DCC: variants seen among roughly 807,000 people sequenced by gnomAD.
The protein encoded by DCC is netrin receptor DCC.
A neutral mutation model predicts 172.5 loss-of-function variants in DCC; 58 were observed. That is an observed-to-expected ratio of 0.34 (90% CI 0.27 to 0.42). The LOEUF is 0.42. Ranked by LOEUF, DCC falls within the 10% of genes least tolerant of loss-of-function variation. The pLI is 1.00. For missense variants in DCC, 1,740 were observed against 1,791.0 expected (o/e 0.97, Z 0.51); for synonymous variants, 709 against 644.5 (o/e 1.10, Z -1.52).
intron 12 of DCC, among the ~76,000 whole-genome samples, chr18:53,253,225 G>T (rs1359000432): frequency 6.6e-6 from 1 of 151,882 alleles, no homozygotes; most frequent in Non-Finnish European, 1.5e-5. Context: ...TCTTTGTGTT[G>T]TTGAAGTTTC....
intron 9 of DCC, among the ~76,000 whole-genome samples, chr18:53,187,978 T>C (rs929124225): frequency 2.0e-5 from 3 of 152,176 alleles, no homozygotes; most frequent in Non-Finnish European, 2.9e-5. Flanking sequence ...GACCACAGAT[T>C]TGTATCAATT....
At chr18:53,046,928 T>A (rs1268872114) in intron 5 of DCC, among the ~76,000 whole-genome samples, 1 of 151,718 alleles carries the variant, frequency 6.6e-6, no homozygotes, top group Non-Finnish European at 1.5e-5. Context: ...CTTTCATTTT[T>A]TTAATGCAGT....
At chr18:52,644,883 T>C (rs574756579) in intron 1 of DCC, among the ~76,000 whole-genome samples, 2 of 151,840 alleles carry the variant, frequency 1.3e-5, no homozygotes, top group East Asian at 3.9e-4. Flanking sequence ...ACAATTTGCT[T>C]GAGGAAGTTG....
chr18:53,048,026 C>T (rs2042280471), intron 5 of DCC, among the ~76,000 whole-genome samples: 1 of 151,856 alleles, frequency 6.6e-6, no homozygotes, highest in South Asian at 2.1e-4. Flanking sequence ...GACATTTCCC[C>T]ACACTATTAA....
chr18:52,611,561 T>C (rs2034278059), intron 1 of DCC, among the ~76,000 whole-genome samples: 1 of 152,216 alleles, frequency 6.6e-6, no homozygotes, highest in Non-Finnish European at 1.5e-5. Flanking sequence ...CCAAAAACTG[T>C]AAGTAAACTG....
At chr18:52,688,064 T>C (rs1170263526) in intron 1 of DCC, among the ~76,000 whole-genome samples, 1 of 152,080 alleles carries the variant, frequency 6.6e-6, no homozygotes, top group Admixed American at 6.6e-5. Context: ...AGTGCACTGT[T>C]AGATGTAGTC....
At chr18:52,526,943 A>C (rs1002596779) in intron 1 of DCC, among the ~76,000 whole-genome samples, 1 of 152,216 alleles carries the variant, frequency 6.6e-6, no homozygotes, top group African/African-American at 2.4e-5. Context: ...AAATCTTCAG[A>C]ATACAATCTA....
intron 1 of DCC, among the ~76,000 whole-genome samples, chr18:52,448,717 A>G (rs969720864): frequency 1.6e-4 from 25 of 152,230 alleles, no homozygotes; most frequent in Non-Finnish European, 3.1e-4. Flanking sequence ...GACATAATCC[A>G]TATACAGTTT....
intron 7 of DCC, among the ~76,000 whole-genome samples, chr18:53,133,463 A>G (rs2043689790): frequency 6.6e-6 from 1 of 152,182 alleles, no homozygotes; most frequent in Admixed American, 6.5e-5. Context: ...GTGGTAACAC[A>G]TTCTCTACCC....
At chr18:52,942,440 G>A (rs2040478709) in intron 5 of DCC, among the ~76,000 whole-genome samples, 1 of 152,030 alleles carries the variant, frequency 6.6e-6, no homozygotes, top group South Asian at 2.1e-4. Flanking sequence ...ATAGCATGTG[G>A]GTGCCTCCTA....
intron 12 of DCC, among the ~76,000 whole-genome samples, chr18:53,226,948 A>ATATATAAATATATTTTTTTTTTTTTTTTT: frequency 1.9e-5 from 1 of 52,950 alleles, no homozygotes; most frequent in Non-Finnish European, 4.0e-5. Context: ...ATATATATAT[A>ATATATAAATATATTTTTTTTTTTTTTTTT]TTTTTTTTTT....
At chr18:53,073,343 G>T (rs1273108183) in intron 7 of DCC, among the ~76,000 whole-genome samples, 6 of 152,230 alleles carry the variant, frequency 3.9e-5, no homozygotes, top group Admixed American at 3.9e-4. Context: ...GGCTAACACG[G>T]TGAAACCTCA....
chr18:53,055,302 A>G (rs902271805), intron 5 of DCC, among the ~76,000 whole-genome samples: 1 of 152,240 alleles, frequency 6.6e-6, no homozygotes, highest in South Asian at 2.1e-4. Flanking sequence ...ATTTACTTTC[A>G]TTTGAGAAAA....
intron 1 of DCC, among the ~76,000 whole-genome samples, chr18:52,587,250 C>T (rs1165709897): frequency 6.6e-6 from 1 of 152,182 alleles, no homozygotes; most frequent in Non-Finnish European, 1.5e-5. Flanking sequence ...GCCAGGTCAG[C>T]CTTGGTGAGT....
chr18:52,679,911 C>T (rs779818179), intron 1 of DCC, among the ~76,000 whole-genome samples: 2 of 151,634 alleles, frequency 1.3e-5, no homozygotes, highest in Non-Finnish European at 2.9e-5. Context: ...TTTAAAAAAT[C>T]ATATATTTTG....
intron 5 of DCC, among the ~76,000 whole-genome samples, chr18:53,054,036 A>T (rs2042369693): frequency 6.6e-6 from 1 of 152,106 alleles, no homozygotes; most frequent in Admixed American, 6.6e-5. Context: ...TCTCCTGCAG[A>T]TACCATAATC....
At chr18:52,412,726 C>T (rs1314040110) in intron 1 of DCC, among the ~76,000 whole-genome samples, 1 of 152,110 alleles carries the variant, frequency 6.6e-6, no homozygotes, top group East Asian at 1.9e-4. Flanking sequence ...ATTCTGATGG[C>T]ATCTCCAGAT....
At chr18:53,051,078 A>G (rs183416894) in intron 5 of DCC, among the ~76,000 whole-genome samples, 1 of 152,202 alleles carries the variant, frequency 6.6e-6, no homozygotes, top group East Asian at 1.9e-4. Context: ...CAAAATAAAT[A>G]CATTTGCCAA....
intron 15 of DCC, among the ~76,000 whole-genome samples, chr18:53,376,678 T>A (rs1907312286): frequency 2.0e-5 from 3 of 152,306 alleles, no homozygotes; most frequent in Middle Eastern, 3.4e-3. Flanking sequence ...CAGGTTTTTT[T>A]ACACAATTCT....
Sources: allele counts gnomAD v4.1 joint callset (sites outside exome capture counted in the v4.1 genomes callset), GRCh38; gene constraint gnomAD v4.1.1; transcripts MANE v1.5; gene names NCBI Gene and HGNC (gene_info 2026-07-23, HGNC 2026-07-21).